TRPM3: variants seen among roughly 807,000 people sequenced by gnomAD.
The protein encoded by TRPM3 is long transient receptor potential channel 3.
Under a neutral mutation model 181.2 loss-of-function variants are expected in TRPM3, and 77 were observed. That is an observed-to-expected ratio of 0.42 (90% CI 0.35 to 0.51). TRPM3 has a LOEUF of 0.51. TRPM3 is among the 20% of genes least tolerant of loss of function. The pLI is 0.01. For synonymous variants in TRPM3, 745 were observed against 796.4 expected (o/e 0.94, Z 1.09); for missense variants, 1,759 against 2,196.7 (o/e 0.80, Z 3.98).
At chr9:71,174,363 A>T (rs1318525611) in intron 1 of TRPM3, among the ~76,000 whole-genome samples, 1 of 152,092 alleles carries the variant, frequency 6.6e-6, no homozygotes, top group African/African-American at 2.4e-5. Flanking sequence ...CCAACATGGC[A>T]AAACCCAGTC....
At position 70,536,096 on chromosome 9, in the gene TRPM3, C is replaced by T. The variant is rs779953511; in HGVS notation, c.5017G>A (p.Asp1673Asn). 17 of 1,614,158 alleles carry T rather than the reference C, an allele frequency of 1.1e-5. No individual in the cohort carries two copies. Among genetic ancestry groups the T allele is most frequent in the South Asian group, 6.6e-5 (6 of 91,076 alleles). ...AGGCTTGCTGTGTTCCGCTGCCTGT[C>T]GAGTTTGTCACTGATGGAGAAGCTC... The part of the protein sequence containing the change: ...RKSFSISDKL[D>N]RQRNTASLRN... Residue 1673 changes from aspartate (D) to asparagine (N), a missense_variant, in exon 26 of 26, where the codon GAC (aspartate) becomes AAC (asparagine). Asp to Asn is a conservative substitution (Grantham distance 23). Coordinates refer to ENST00000677713, the MANE Select transcript of TRPM3 (RefSeq NM_001366145.2).
At chr9:71,072,798 A>T (rs958147935) in intron 1 of TRPM3, among the ~76,000 whole-genome samples, 3 of 152,214 alleles carry the variant, frequency 2.0e-5, no homozygotes, top group Non-Finnish European at 2.9e-5. Context: ...TCTGCTGCCC[A>T]CAAGGAATGC....
intron 1 of TRPM3, among the ~76,000 whole-genome samples, chr9:71,395,005 G>T (rs2093156608): frequency 6.6e-6 from 1 of 152,244 alleles, no homozygotes; most frequent in South Asian, 2.1e-4. Flanking sequence ...CCTGCAACTG[G>T]AAGTACCACT....
chr9:71,184,165 G>A (rs1472307829), intron 1 of TRPM3, among the ~76,000 whole-genome samples: 2 of 152,090 alleles, frequency 1.3e-5, no homozygotes, highest in African/African-American at 2.4e-5. Flanking sequence ...GAAAAAAAGG[G>A]AGGAATACCT....
At chr9:71,226,886 A>G (rs922986261) in intron 1 of TRPM3, among the ~76,000 whole-genome samples, 12 of 152,068 alleles carry the variant, frequency 7.9e-5, no homozygotes, top group African/African-American at 2.9e-4. Context: ...ACTATAGGCC[A>G]TGTGGGCCTA....
chr9:71,098,337 A>T (rs2067675158), intron 1 of TRPM3, among the ~76,000 whole-genome samples: 1 of 152,202 alleles, frequency 6.6e-6, no homozygotes, highest in Admixed American at 6.5e-5. Context: ...CTATTTTTAC[A>T]TCATCTGTTA....
chr9:71,161,819 T>C (rs976908318), intron 1 of TRPM3, among the ~76,000 whole-genome samples: 3 of 152,108 alleles, frequency 2.0e-5, no homozygotes, highest in African/African-American at 7.2e-5. Flanking sequence ...ATATACTGTA[T>C]AGAGATAAGT....
At chr9:70,868,124 G>A (rs2095693327) in intron 1 of TRPM3, among the ~76,000 whole-genome samples, 1 of 151,918 alleles carries the variant, frequency 6.6e-6, no homozygotes, top group Non-Finnish European at 1.5e-5. Flanking sequence ...TAGAAAAGAT[G>A]GCTTCTATGG....
At chr9:71,328,733 A>C (rs569742756) in intron 1 of TRPM3, among the ~76,000 whole-genome samples, 3 of 152,286 alleles carry the variant, frequency 2.0e-5, no homozygotes, top group Non-Finnish European at 4.4e-5. Flanking sequence ...AAAAATTCAC[A>C]ATTTATATGG....
intron 19 of TRPM3, among the ~76,000 whole-genome samples, chr9:70,605,406 TG>T (rs1202565905): frequency 1.3e-5 from 2 of 152,182 alleles, no homozygotes; most frequent in Non-Finnish European, 2.9e-5. Flanking sequence ...GCTGGATATC[TG>T]GGCTCACTCT....
At chr9:71,241,344 C>T (rs2081657479) in intron 1 of TRPM3, among the ~76,000 whole-genome samples, 3 of 151,968 alleles carry the variant, frequency 2.0e-5, no homozygotes, top group Admixed American at 6.6e-5. Context: ...TGAATCTAGC[C>T]AAAAATTCAG....
chr9:71,281,111 T>A (rs554843785), intron 1 of TRPM3, among the ~76,000 whole-genome samples: 1 of 152,258 alleles, frequency 6.6e-6, no homozygotes, highest in South Asian at 2.1e-4. Context: ...ATAGTGAATA[T>A]CCTGGAGGAA....
At position 70,924,750 on chromosome 9, in the gene TRPM3, C is replaced by T. The variant is rs2096703650; in HGVS notation, c.178-60239G>A. Among the ~76,000 whole-genome samples, 3 of 152,122 alleles carry T rather than the reference C, an allele frequency of 2.0e-5. No individual in the cohort carries two copies. The South Asian group carries it at 6.2e-4, about 32-fold the overall frequency. On this transcript the variant is annotated intron_variant, in intron 1 of 25. Transcript: ENST00000677713. ...ACACTAATACGTAAGCCTTATAGTCCTGATATGATTTGTGAATGTTAAGTA... is the reference window on the plus strand; with the variant it reads ...ACACTAATACGTAAGCCTTATAGTCTTGATATGATTTGTGAATGTTAAGTA...
At chr9:70,968,025 C>T (rs900283139) in intron 1 of TRPM3, among the ~76,000 whole-genome samples, 29 of 152,064 alleles carry the variant, frequency 1.9e-4, no homozygotes, top group African/African-American at 7.0e-4. Context: ...CATCCAAGTC[C>T]TGGGTCCTTG....
chr9:71,028,140 A>G (rs982260608), intron 1 of TRPM3, among the ~76,000 whole-genome samples: 2 of 152,336 alleles, frequency 1.3e-5, no homozygotes, highest in South Asian at 2.1e-4. Context: ...TACAAGCCAG[A>G]AGAGACTGGG....
At chr9:71,109,273 T>G (rs2070470614) in intron 1 of TRPM3, among the ~76,000 whole-genome samples, 1 of 152,000 alleles carries the variant, frequency 6.6e-6, no homozygotes. Flanking sequence ...TCAATATATA[T>G]ATACATCCTA....
At chr9:71,379,284 T>G (rs2092737192) in intron 1 of TRPM3, among the ~76,000 whole-genome samples, 1 of 152,094 alleles carries the variant, frequency 6.6e-6, no homozygotes, top group Non-Finnish European at 1.5e-5. Context: ...AGAGCATTAC[T>G]TGGAACCATA....
At chr9:70,917,852 A>T (rs2096616661) in intron 1 of TRPM3, among the ~76,000 whole-genome samples, 1 of 152,106 alleles carries the variant, frequency 6.6e-6, no homozygotes, top group Non-Finnish European at 1.5e-5. Flanking sequence ...ACATAGAGTC[A>T]CTCAATGGAT....
At chr9:71,086,885 T>C (rs955319131) in intron 1 of TRPM3, among the ~76,000 whole-genome samples, 1 of 152,040 alleles carries the variant, frequency 6.6e-6, no homozygotes, top group Non-Finnish European at 1.5e-5. Flanking sequence ...AATTAGTGCC[T>C]CTTGAAATTT....
Sources: gnomAD v4.1 joint callset for allele counts (sites outside exome capture counted in the v4.1 genomes callset) on GRCh38, gnomAD v4.1.1 for gene constraint, MANE v1.5 for transcripts, NCBI Gene and HGNC (gene_info 2026-07-23, HGNC 2026-07-21) for gene names.